The following ACMSD variants were observed in gnomAD, a reference collection of about 807,000 sequenced individuals.
The protein encoded by ACMSD is aminocarboxymuconate semialdehyde decarboxylase.
A neutral mutation model predicts 45.9 loss-of-function variants in ACMSD; 37 were observed. The ratio of observed to expected loss-of-function variants is 0.81; its 90% CI spans 0.62 to 1.06. The LOEUF is 1.06. Ranked by LOEUF, ACMSD falls within the 50% of genes least tolerant of loss-of-function variation. The probability of loss-of-function intolerance (pLI) is 0.00; values close to 1 mark genes in which losing one functional copy is unlikely to be tolerated. For synonymous variants in ACMSD, 138 were observed against 148.8 expected, an observed-to-expected ratio of 0.93 and a Z score of 0.53; for missense variants, 434 against 420.9, an observed-to-expected ratio of 1.03 and a Z score of -0.27.
At position 134,863,381 on chromosome 2, in the gene ACMSD, C is replaced by G; in HGVS notation, c.250-14C>G. 3.1e-6 allele frequency: 5 copies of G among 1,611,380 alleles called. No homozygotes were observed. Among genetic ancestry groups the G allele is most frequent in the Non-Finnish European group, 4.2e-6 (5 of 1,177,586 alleles). On this transcript the variant is annotated splice_polypyrimidine_tract_variant and intron_variant, in intron 4 of 9. Coordinates refer to ENST00000356140, the MANE Select transcript of ACMSD (RefSeq NM_138326.3). ...TTTTCAACAATGCGGTTTTCCCTTTCCTGTCTCCACCAGGCCAAACCTGAG... is the reference window on the plus strand; with the variant it reads ...TTTTCAACAATGCGGTTTTCCCTTTGCTGTCTCCACCAGGCCAAACCTGAG...
chr2:134,870,612 C>T (rs951765467), intron 6 of ACMSD, among the ~76,000 whole-genome samples: 1 of 152,168 alleles, frequency 6.6e-6, no homozygotes, highest in Non-Finnish European at 1.5e-5. Context: ...CATTAGATAA[C>T]TTGCCAGAGG....
chr2:134,894,366 A>T (rs1386861337), intron 8 of ACMSD, among the ~76,000 whole-genome samples: 3 of 152,148 alleles, frequency 2.0e-5, no homozygotes, highest in Non-Finnish European at 4.4e-5. Context: ...CAACAAATGA[A>T]ATAACCTAAA....
At chr2:134,893,687 C>T (rs143553233) in intron 8 of ACMSD, among the ~76,000 whole-genome samples, 4 of 152,088 alleles carry the variant, frequency 2.6e-5, no homozygotes, top group East Asian at 1.9e-4. Flanking sequence ...ATTTAAAGTA[C>T]TAAAAGAAAG....
At chr2:134,897,200 C>T (rs1190076024) in intron 8 of ACMSD, among the ~76,000 whole-genome samples, 1 of 151,628 alleles carries the variant, frequency 6.6e-6, no homozygotes, top group Non-Finnish European at 1.5e-5. Flanking sequence ...TAGTCCTACT[C>T]CATGGAGGAA....
chr2:134,848,944 A>C (rs977064364), intron 2 of ACMSD, among the ~76,000 whole-genome samples: 2 of 152,188 alleles, frequency 1.3e-5, no homozygotes, highest in African/African-American at 4.8e-5. Flanking sequence ...GTGCCAATTC[A>C]AACACTGTGC....
intron 8 of ACMSD, among the ~76,000 whole-genome samples, chr2:134,891,108 T>G (rs1689758539): frequency 6.6e-6 from 1 of 152,118 alleles, no homozygotes; most frequent in Non-Finnish European, 1.5e-5. Flanking sequence ...TGGTAATTAT[T>G]TCTTTTGCTG....
intron 8 of ACMSD, among the ~76,000 whole-genome samples, chr2:134,894,209 G>C (rs1689960655): frequency 6.6e-6 from 1 of 151,742 alleles, no homozygotes. Flanking sequence ...AACAAAATCG[G>C]CAAACCTTTA....
intron 7 of ACMSD, among the ~76,000 whole-genome samples, chr2:134,871,960 C>CT (rs35987999): frequency 0.49 from 69,133 of 141,934 alleles, 18,066 homozygotes; most frequent in East Asian, 0.88. Flanking sequence ...TGCCTTCACT[C>CT]TTTTTTTTTT....
chr2:134,885,542 A>G (rs1689388791), intron 8 of ACMSD, among the ~76,000 whole-genome samples: 1 of 148,756 alleles, frequency 6.7e-6, no homozygotes, highest in Non-Finnish European at 1.5e-5. Context: ...ACACACACAC[A>G]TTTGTTAAAG....
intron 8 of ACMSD, chr2:134,873,549 A>G (rs1688577189): frequency 6.6e-6 from 1 of 152,246 alleles, no homozygotes; most frequent in Admixed American, 6.5e-5. Context: ...CTAAGGTTTA[A>G]AAAAATCATG....
At chr2:134,878,319 C>A (rs978366968) in intron 8 of ACMSD, among the ~76,000 whole-genome samples, 2 of 152,094 alleles carry the variant, frequency 1.3e-5, no homozygotes, top group Non-Finnish European at 2.9e-5. Context: ...TCAACAAAAA[C>A]ATTCTTTTCG....
At position 134,845,234 on chromosome 2, in the gene ACMSD, G is replaced by T; in HGVS notation, c.59G>T (p.Arg20Met). The part of the protein sequence containing the change: ...LPKEWPDLKK[R>M]FGYGGWVQLQ... ...TAACTGTGCTTCTCCCCACTGCAGA[G>T]GTTTGGCTACGGAGGCTGGGTGCAG... is the stretch of plus-strand genomic sequence containing the variant. Residue 20 changes from arginine (R) to methionine (M), a missense_variant and splice_region_variant, in exon 2 of 10, where the codon AGG (arginine) becomes ATG (methionine). Arg to Met is a moderately conservative substitution (Grantham distance 91). Transcript: ENST00000356140. 4.3e-6 allele frequency: 7 copies of T among 1,614,100 alleles called. No individual in the cohort carries two copies. Among genetic ancestry groups the T allele is most frequent in the Non-Finnish European group, 4.2e-6 (5 of 1,179,970 alleles).
At chr2:134,885,463 T>G (rs1488162222) in intron 8 of ACMSD, among the ~76,000 whole-genome samples, 1 of 95,880 alleles carries the variant, frequency 1.0e-5, no homozygotes, top group Non-Finnish European at 1.8e-5. Context: ...ATATGTTAGA[T>G]ATGTGATTTT....
intron 2 of ACMSD, among the ~76,000 whole-genome samples, chr2:134,849,431 G>A (rs891359150): frequency 1.3e-5 from 2 of 152,110 alleles, no homozygotes; most frequent in Non-Finnish European, 2.9e-5. Context: ...AAAACAATAT[G>A]CAAATGTAAA....
At chr2:134,885,422 AAT>A (rs1248342120) in intron 8 of ACMSD, among the ~76,000 whole-genome samples, 2 of 121,432 alleles carry the variant, frequency 1.6e-5, no homozygotes, top group South Asian at 2.3e-4. Context: ...TATATATGTA[AAT>A]ATATATAATA....
At chr2:134,890,856 A>T (rs1427963196) in intron 8 of ACMSD, among the ~76,000 whole-genome samples, 2 of 152,074 alleles carry the variant, frequency 1.3e-5, no homozygotes, top group East Asian at 3.8e-4. Context: ...CCAAAATAAA[A>T]AAAAATTCCA....
chr2:134,899,718 T>G (rs902282164), intron 9 of ACMSD, among the ~76,000 whole-genome samples: 1 of 152,154 alleles, frequency 6.6e-6, no homozygotes, highest in Non-Finnish European at 1.5e-5. Flanking sequence ...AGGGTACTCA[T>G]TGTAACGCTG....
chr2:134,882,205 A>C (rs1185183855), intron 8 of ACMSD, among the ~76,000 whole-genome samples: 2 of 152,220 alleles, frequency 1.3e-5, no homozygotes, highest in African/African-American at 4.8e-5. Flanking sequence ...TAGGCTTCCA[A>C]GTATTTTGGT....
chr2:134,876,628 C>T (rs992078467), intron 8 of ACMSD, among the ~76,000 whole-genome samples: 2 of 152,120 alleles, frequency 1.3e-5, no homozygotes, highest in African/African-American at 4.8e-5. Flanking sequence ...TCTTACAGGA[C>T]TTGCCTCAGG....
Sources: allele counts gnomAD v4.1 joint callset (sites outside exome capture counted in the v4.1 genomes callset), GRCh38; gene constraint gnomAD v4.1.1; transcripts MANE v1.5; gene names NCBI Gene and HGNC (gene_info 2026-07-23, HGNC 2026-07-21).